MYH13: variants seen among roughly 807,000 people sequenced by gnomAD.
MYH13 encodes myosin-13.
In MYH13, 177 loss-of-function variants were observed where a neutral mutation model predicts 232.1. The ratio of observed to expected loss-of-function variants is 0.76; its 90% CI spans 0.67 to 0.86. MYH13 has a LOEUF of 0.86. MYH13 is among the 40% of genes least tolerant of loss of function. The pLI is 0.00. For synonymous variants in MYH13, 884 were observed against 923.5 expected (o/e 0.96, Z 0.78); for missense variants, 2,246 against 2,405.9 (o/e 0.93, Z 1.39).
rs1454022396 is a variant in MYH13 at position 10,304,025 on chromosome 17, C to T, written c.5467-527G>A. On this transcript the variant is annotated intron_variant, in intron 37 of 40. Coordinates refer to ENST00000252172, the MANE Select transcript of MYH13 (RefSeq NM_003802.3). This position sits in a 1 kb window ranked among gnomAD's most constrained non-coding sequence, Gnocchi z 5.3. ...TCTCAGCAAACTAAGGAACAGAAAA[C>T]CAAACACCACATATTCTCACTCATA... Among the ~76,000 whole-genome samples, 1 of 152,076 alleles carries T rather than the reference C, an allele frequency of 6.6e-6. No individual in the cohort carries two copies. The highest frequency in any genetic ancestry group is 1.9e-4 in the East Asian group (1 of 5,188).
chr17:10,322,124 G>A lies in MYH13; in HGVS notation c.2935-416C>T, dbSNP rs7220697. ...CAAGAAAATTCACGCCGGGCGCGGT[G>A]GCTCACGCCTGTAATCCCAGCACTT... is the stretch of plus-strand genomic sequence containing the variant. On this transcript the variant is annotated intron_variant, in intron 23 of 40. Coordinates refer to ENST00000252172, the MANE Select transcript of MYH13 (RefSeq NM_003802.3). Among the ~76,000 whole-genome samples, 1,466 of 152,278 alleles carry A rather than the reference G, an allele frequency of 9.6e-3. 26 individuals are homozygous for A. The highest frequency in any genetic ancestry group is 0.033 in the African/African-American group (1,380 of 41,558).
At position 10,312,765 on chromosome 17, in the gene MYH13, A is replaced by G; in HGVS notation, c.4182-8T>C. ...CTCTGGGCCAGTTTTTTCCTACGAA[A>G]ACCAGATTTTTTTTTTCCCCTTCGC... On this transcript the variant is annotated splice_region_variant and splice_polypyrimidine_tract_variant and intron_variant, in intron 30 of 40. Coordinates refer to ENST00000252172, the MANE Select transcript of MYH13 (RefSeq NM_003802.3). 1 of 1,596,938 alleles carries G rather than the reference A, an allele frequency of 6.3e-7. No homozygotes were observed. The highest frequency in any genetic ancestry group is 1.1e-5 in the South Asian group (1 of 87,016).
intron 18 of MYH13, among the ~76,000 whole-genome samples, chr17:10,336,602 C>A (rs943944000): frequency 2.0e-5 from 3 of 152,082 alleles, no homozygotes; most frequent in African/African-American, 7.2e-5. Context: ...AAGCCCTTAA[C>A]CCCCGACCCC....
In MYH13 at chr17:10,324,084, T is replaced by C. The variant is rs1907105771; in HGVS notation, c.2872A>G (p.Ile958Val). Residue 958 changes from isoleucine to valine, a missense_variant, in exon 23 of 41, where the codon ATT (isoleucine) becomes GTT (valine). Coordinates refer to ENST00000252172, the MANE Select transcript of MYH13 (RefSeq NM_003802.3). ...GTCAAGGTCAGCTCCAGGTCATCAA[T>C]GTCTCTCTTGAGAGAGGAGCATTTA... ...EDKCSSLKRD[I>V]DDLELTLTKV... 6.2e-7 allele frequency: 1 copy of C among 1,613,944 alleles called. No individual in the cohort carries two copies. The highest frequency in any genetic ancestry group is 1.1e-5 in the South Asian group (1 of 91,084).
chr17:10,349,302 T>A (rs2071691908), intron 12 of MYH13, among the ~76,000 whole-genome samples: 1 of 152,038 alleles, frequency 6.6e-6, no homozygotes, highest in Non-Finnish European at 1.5e-5. Context: ...GGTTTTACCA[T>A]GTTGGCCAGA....
At chr17:10,346,645 A>G in intron 13 of MYH13, 35 bp downstream of exon 13, 1 of 1,511,990 alleles carries the variant, frequency 6.6e-7, no homozygotes, top group Non-Finnish European at 9.2e-7. Flanking sequence ...ATAGCAAAAG[A>G]TCTCAATCAA....
intron 22 of MYH13, among the ~76,000 whole-genome samples, chr17:10,327,607 T>C (rs1438664716): frequency 6.6e-6 from 1 of 152,126 alleles, no homozygotes; most frequent in Non-Finnish European, 1.5e-5. Flanking sequence ...CACAGCAAAA[T>C]ATATCTAACT....
chr17:10,370,288 T>C (rs184803800), intron 2 of MYH13, among the ~76,000 whole-genome samples: 155 of 152,366 alleles, frequency 1.0e-3, no homozygotes, highest in African/African-American at 2.6e-3. Flanking sequence ...CTTCTCCCTA[T>C]ATTTGTGCAA....
chr17:10,310,096 T>G (rs1263648909), intron 33 of MYH13, among the ~76,000 whole-genome samples: 3 of 147,234 alleles, frequency 2.0e-5, no homozygotes, highest in Non-Finnish European at 4.5e-5. Context: ...GGTTTTGTGT[T>G]TTTTTTTTTT....
rs1397205223 is a variant in MYH13, at chr17:10,311,015, C to CA, written c.4656+87dup. 9 of 1,529,476 alleles carry CA rather than the reference C, an allele frequency of 5.9e-6. No individual in the cohort carries two copies. In the African/African-American group the frequency reaches 6.9e-5, roughly 12 times the overall value. 94.7% of individuals were successfully genotyped at this position (1,529,476 alleles called of 1,614,324 possible). A position where few individuals can be genotyped will look rare whatever the true frequency, so the allele number is the denominator to read the frequency against. ...CCAATGGAGACTCAGGGTCTCCTGG[C>CA]AGGAAAGGCCCCATGGGGTGGTGAA... On this transcript the variant is annotated intron_variant, in intron 33 of 40. Coordinates refer to ENST00000252172, the MANE Select transcript of MYH13 (RefSeq NM_003802.3).
Position 10,315,788 on chromosome 17 carries a change from C to T in MYH13, c.3889G>A (p.Glu1297Lys). ...AGCTGTGAAATCAGAGACTCCTTCT[C>T]TTCCACTCGGTGGCTCAGCTCCCCT... is the stretch of plus-strand genomic sequence containing the variant. ...QNGELSHRVEEKESLISQLTK... is the reference protein window; with the variant it reads ...QNGELSHRVEKKESLISQLTK... The change falls in exon 29 of 41, where the codon GAG becomes AAG. Residue 1297 changes from glutamate to lysine, a missense_variant. Glu to Lys is a moderately conservative substitution (Grantham distance 56). Coordinates refer to ENST00000252172, the MANE Select transcript of MYH13 (RefSeq NM_003802.3). The T allele has an allele frequency of 6.2e-7, 1 of 1,614,022 alleles. No homozygotes were observed. Among genetic ancestry groups the T allele is most frequent in the Non-Finnish European group, 8.5e-7 (1 of 1,179,898 alleles).
intron 18 of MYH13, among the ~76,000 whole-genome samples, chr17:10,339,900 A>C (rs1323052525): frequency 6.6e-6 from 1 of 152,220 alleles, no homozygotes; most frequent in Admixed American, 6.5e-5. Context: ...TGATATTTTG[A>C]TACAAGCGTG....
At chr17:10,334,786 A>G (rs916103117) in intron 18 of MYH13, among the ~76,000 whole-genome samples, 4 of 151,822 alleles carry the variant, frequency 2.6e-5, no homozygotes, top group Non-Finnish European at 5.9e-5. Flanking sequence ...GGCTGCGTCA[A>G]GAGAATCGCT....
intron 39 of MYH13, 71 bp downstream of exon 39, chr17:10,303,125 A>AT (rs1362633766): frequency 8.7e-6 from 12 of 1,383,328 alleles, no homozygotes; most frequent in Non-Finnish European, 1.2e-5. Context: ...ACCAACCAGG[A>AT]TGGCGGGGAC....
rs777079307 is a variant in MYH13 at position 10,309,444 on chromosome 17, G to T, written c.4966-7C>A. 14 of 1,600,030 alleles carry T rather than the reference G, an allele frequency of 8.7e-6. No individual in the cohort carries two copies. The highest frequency in any genetic ancestry group is 1.2e-5 in the Non-Finnish European group (14 of 1,172,954). On this transcript the variant is annotated splice_polypyrimidine_tract_variant and splice_region_variant and intron_variant, in intron 34 of 40. Coordinates refer to ENST00000252172, the MANE Select transcript of MYH13 (RefSeq NM_003802.3). ...CGAGATGCAGCTGGGAGTCCTGCAG[G>T]GGAGACCCAGAGTGAGGCCAGAGCC...
chr17:10,355,828 CTTTTTTTTTTTTTTTTTTTTT>C (rs61338527), intron 8 of MYH13, among the ~76,000 whole-genome samples: 37 of 66,814 alleles, frequency 5.5e-4, no homozygotes, highest in African/African-American at 1.8e-3. Flanking sequence ...TTCTGTCTGA[CTTTTTTTTTTTTTTTTTTTTT>C]TTTTTTTTTT....
rs1906094746 is a variant in MYH13, at chr17:10,301,619, C to T, written c.5752G>A (p.Glu1918Lys). ...GCCCTCAGCTTGTTGACCTGGGACT[C>T]AGCGATGTCCGCCCTCTCCGCGGCC... Reference protein sequence around the residue: ...EEAAERADIAESQVNKLRAKS... With the variant: ...EEAAERADIAKSQVNKLRAKS... Residue 1918 changes from glutamate to lysine, a missense_variant, in exon 40 of 41, where the codon GAG (glutamate) becomes AAG (lysine). Coordinates refer to ENST00000252172, the MANE Select transcript of MYH13 (RefSeq NM_003802.3). 1 of 1,614,228 alleles carries T rather than the reference C, an allele frequency of 6.2e-7. No homozygotes were observed.
chr17:10,327,114 G>T (rs1297425655), intron 22 of MYH13, among the ~76,000 whole-genome samples: 2 of 53,524 alleles, frequency 3.7e-5, no homozygotes, highest in African/African-American at 1.2e-4. Flanking sequence ...CCATTCTCCT[G>T]CCTCAGCCTC....
In MYH13 at chr17:10,359,100, G is replaced by A. The variant is rs562590555; in HGVS notation, c.645+860C>T. Among the ~76,000 whole-genome samples, 5 of 152,296 alleles carry A rather than the reference G, an allele frequency of 3.3e-5. 1 individual carries two copies. The Middle Eastern group carries it at 0.017, about 518-fold the overall frequency. The stretch of plus-strand genomic sequence containing the variant: ...CTGGTACGCAGCTCCTAAAACCCTT[G>A]GAATATCTGAAGTGATAAATGTCTT... On this transcript the variant is annotated intron_variant, in intron 7 of 40. Transcript: ENST00000252172.
Sources: allele counts gnomAD v4.1 joint callset (sites outside exome capture counted in the v4.1 genomes callset), GRCh38; gene constraint gnomAD v4.1.1; non-coding constraint Gnocchi (gnomAD v3.1); transcripts MANE v1.5; gene names NCBI Gene and HGNC (gene_info 2026-07-23, HGNC 2026-07-21).